TTC13: variants seen among roughly 807,000 people sequenced by gnomAD.
TTC13 encodes the protein tetratricopeptide repeat domain 13, also known as tetratricopeptide repeat protein 13.
A neutral mutation model predicts 120.0 loss-of-function variants in TTC13; 62 were observed. That is an observed-to-expected ratio of 0.52 (90% CI 0.42 to 0.64). The LOEUF (loss-of-function observed/expected upper bound fraction) is 0.64. TTC13 is among the 30% of genes least tolerant of loss of function. The pLI, the probability that TTC13 is intolerant of heterozygous loss-of-function variation, is 0.00. For synonymous variants in TTC13, 384 were observed against 393.5 expected (o/e 0.98, Z 0.28); for missense variants, 824 against 1,050.2 (o/e 0.78, Z 2.98).
rs1051685573 is a variant in TTC13, at chr1:230,978,115, G to C, written c.271+445C>G. 3.3e-5 allele frequency among the ~76,000 whole-genome samples: 5 copies of C among 152,244 alleles called. No individual in the cohort carries two copies. Among genetic ancestry groups the C allele is most frequent in the Non-Finnish European group, 5.9e-5 (4 of 68,046 alleles). On this transcript the variant is annotated intron_variant, in intron 1 of 22. Coordinates refer to ENST00000366661, the MANE Select transcript of TTC13 (RefSeq NM_024525.5). This position sits in a 1 kb window ranked among gnomAD's most constrained non-coding sequence, Gnocchi z 5.6. ...CAGGAAGCCTGATTTCCAGGCCTAA[G>C]ATGTGCCAGGCGTCTCCCTCCGGGG...
intron 4 of TTC13, 46 bp from the exon 5 acceptor site, chr1:230,945,500 A>T (rs1322279278): frequency 6.3e-7 from 1 of 1,579,044 alleles, no homozygotes. Context: ...TAAACAAAAC[A>T]AAACAAAAAA....
intron 1 of TTC13, among the ~76,000 whole-genome samples, chr1:230,972,224 A>T (rs1349552639): frequency 6.6e-6 from 1 of 152,280 alleles, no homozygotes; most frequent in Admixed American, 6.5e-5. Context: ...CCCAAATGAA[A>T]CTAGGGTTAG....
rs191067508 is a variant in TTC13, at chr1:230,937,262, C to T, written c.900+2124G>A. On this transcript the variant is annotated intron_variant, in intron 8 of 22. Transcript: ENST00000366661. The stretch of plus-strand genomic sequence containing the variant: ...AAAGAGCCCCATCCATGTTCCTAAA[C>T]CTGGCTTTACAGTAACAATGTTAAA... Among the ~76,000 whole-genome samples the T allele has an allele frequency of 9.2e-5, 14 of 152,256 alleles. No homozygotes were observed. In the South Asian group the frequency reaches 2.1e-3, roughly 23 times the overall value.
At chr1:230,953,648 C>T (rs1675790398) in intron 4 of TTC13, among the ~76,000 whole-genome samples, 1 of 152,202 alleles carries the variant, frequency 6.6e-6, no homozygotes, top group African/African-American at 2.4e-5. Flanking sequence ...TCCATGTCTT[C>T]TTCACTGGAA....
chr1:230,938,497 C>T (rs1674277439), intron 8 of TTC13, among the ~76,000 whole-genome samples: 1 of 152,220 alleles, frequency 6.6e-6, no homozygotes, highest in Non-Finnish European at 1.5e-5. Flanking sequence ...CGTTTCTGCC[C>T]ATACTTTCAG....
intron 1 of TTC13, among the ~76,000 whole-genome samples, chr1:230,968,510 G>A (rs781172976): frequency 6.6e-6 from 1 of 152,122 alleles, no homozygotes; most frequent in Non-Finnish European, 1.5e-5. Flanking sequence ...AAGGCAGGAT[G>A]AGTTTAAGCA....
intron 18 of TTC13, among the ~76,000 whole-genome samples, chr1:230,915,264 G>A (rs1671903317): frequency 6.6e-6 from 1 of 152,192 alleles, no homozygotes; most frequent in Non-Finnish European, 1.5e-5. Flanking sequence ...GCTGGAGAAT[G>A]TGAGTCATAG....
intron 9 of TTC13, 146 bp from the exon 10 acceptor site, chr1:230,932,023 C>T (rs1673608525): frequency 1.5e-6 from 1 of 675,440 alleles, no homozygotes; most frequent in Non-Finnish European, 2.4e-6. Context: ...GCCTCTGACA[C>T]ATTACATTTC....
chr1:230,972,524 AC>A (rs745429641), intron 1 of TTC13, among the ~76,000 whole-genome samples: 4 of 152,228 alleles, frequency 2.6e-5, no homozygotes, highest in African/African-American at 4.8e-5. Flanking sequence ...CTTTAAAACA[AC>A]TCATTGTGAA....
intron 17 of TTC13, chr1:230,920,229 AG>A (rs553120537): frequency 2.5e-5 from 6 of 238,082 alleles, no homozygotes; most frequent in Non-Finnish European, 4.9e-5. Context: ...GCAATCATGT[AG>A]AAGGGCAGCT....
chr1:230,945,529 AC>A, intron 4 of TTC13, 75 bp from the exon 5 acceptor site: 1 of 1,352,594 alleles, frequency 7.4e-7, no homozygotes, highest in Non-Finnish European at 1.1e-6. Context: ...TGCTTAAAGC[AC>A]GTTAATGCCG....
intron 3 of TTC13, chr1:230,956,434 G>A (rs11122161): frequency 0.32 from 69,677 of 215,946 alleles, 11,583 homozygotes; most frequent in Middle Eastern, 0.46. Context: ...CCGTGTGATC[G>A]TGGGGACCTC....
At chr1:230,925,927 GT>G (rs1467164374) in intron 12 of TTC13, among the ~76,000 whole-genome samples, 1 of 152,092 alleles carries the variant, frequency 6.6e-6, no homozygotes, top group Non-Finnish European at 1.5e-5. Context: ...TATTTGCTTT[GT>G]AAACTTCTCC....
Position 230,924,929 on chromosome 1 carries a change from T to A in TTC13, c.1633A>T (p.Thr545Ser). The A allele has an allele frequency of 6.2e-7, 1 of 1,614,226 alleles. No individual in the cohort carries two copies. The highest frequency in any genetic ancestry group is 2.2e-5 in the East Asian group (1 of 44,884). The change falls in exon 14 of 23, where the codon ACA becomes TCA. Residue 545 changes from threonine (T) to serine (S), a missense_variant. Coordinates refer to ENST00000366661, the MANE Select transcript of TTC13 (RefSeq NM_024525.5). ...ALEVMQAVQR[T>S]WTNSKVRMNG... ...ATTCGAACTTTCGAGTTGGTCCATG[T>A]ACGCTGCACGGCTTGCATGACCTCC...
chr1:230,922,311 A>G (rs951807456), intron 15 of TTC13, among the ~76,000 whole-genome samples: 7 of 152,004 alleles, frequency 4.6e-5, no homozygotes, highest in Non-Finnish European at 7.4e-5. Context: ...CCAACTCACT[A>G]CCACACAGCT....
At chr1:230,907,190 C>A (rs555656789) in intron 22 of TTC13, among the ~76,000 whole-genome samples, 171 bp from the exon 23 acceptor site, 2 of 152,202 alleles carry the variant, frequency 1.3e-5, no homozygotes, top group Non-Finnish European at 2.9e-5. Flanking sequence ...CTCACAACAA[C>A]GGCCTGCGGC....
At chr1:230,941,616 T>C (rs899724385) in intron 6 of TTC13, among the ~76,000 whole-genome samples, 1 of 152,180 alleles carries the variant, frequency 6.6e-6, no homozygotes, top group African/African-American at 2.4e-5. Context: ...TCCATCCTTA[T>C]TAGACAGGTT....
At chr1:230,935,635 C>T (rs540738695) in intron 8 of TTC13, among the ~76,000 whole-genome samples, 24 of 152,036 alleles carry the variant, frequency 1.6e-4, no homozygotes, top group South Asian at 4.2e-4. Flanking sequence ...GGAAGCTGGG[C>T]CAGGAAAGGA....
At position 230,978,597 on chromosome 1, in the gene TTC13, G is replaced by A. The variant is rs1371672560; in HGVS notation, c.234C>T (p.Ser78=). 2.8e-6 allele frequency: 4 copies of A among 1,412,062 alleles called. No homozygotes were observed. In the East Asian group the frequency reaches 1.2e-4, roughly 43 times the overall value. 87.5% of individuals were successfully genotyped at this position (1,412,062 alleles called of 1,614,324 possible). A position where few individuals can be genotyped will look rare whatever the true frequency, so the allele number is the denominator to read the frequency against. The change falls in exon 1 of 23, where the codon TCC becomes TCT. Residue 78 remains serine, a synonymous_variant. Transcript: ENST00000366661. This position sits in a 1 kb window ranked among gnomAD's most constrained non-coding sequence, Gnocchi z 5.6. ...PAGGGGCSPQ[S]GDWGDQYSAE... Reference sequence around the variant, plus strand: ...CAGAGTACTGGTCCCCCCAGTCCCCGGACTGCGGGCTGCAGCCGCCGCCGC... The same window carrying A: ...CAGAGTACTGGTCCCCCCAGTCCCCAGACTGCGGGCTGCAGCCGCCGCCGC...
Sources: gnomAD v4.1 joint callset for allele counts (sites outside exome capture counted in the v4.1 genomes callset) on GRCh38, gnomAD v4.1.1 for gene constraint, Gnocchi (gnomAD v3.1) non-coding constraint, MANE v1.5 for transcripts, NCBI Gene and HGNC (gene_info 2026-07-23, HGNC 2026-07-21) for gene names.